TXNDC8: variants seen among roughly 807,000 people sequenced by gnomAD.
TXNDC8 encodes the protein thioredoxin domain containing 8.
Under a neutral mutation model 12.9 loss-of-function variants are expected in TXNDC8, and 15 were observed. The observed-to-expected ratio is 1.16, with a 90% CI of 0.78 to 1.79. The LOEUF (loss-of-function observed/expected upper bound fraction) is 1.79. TXNDC8 is among the 40% of genes most tolerant of loss of function. The probability of loss-of-function intolerance (pLI) is 0.00; values close to 1 mark genes in which losing one functional copy is unlikely to be tolerated. For missense variants in TXNDC8, 128 were observed against 113.2 expected, an observed-to-expected ratio of 1.13 and a Z score of -0.59; for synonymous variants, 40 against 35.4, an observed-to-expected ratio of 1.13 and a Z score of -0.46.
intron 3 of TXNDC8, among the ~76,000 whole-genome samples, chr9:110,309,047 T>C (rs1326699379): frequency 6.6e-6 from 1 of 152,226 alleles, no homozygotes; most frequent in Non-Finnish European, 1.5e-5. Context: ...TGGCTGTTAT[T>C]TTATTTTTTC....
intron 3 of TXNDC8, among the ~76,000 whole-genome samples, chr9:110,314,464 G>T (rs554928996): frequency 1.5e-5 from 2 of 136,690 alleles, no homozygotes; most frequent in Non-Finnish European, 3.1e-5. Context: ...ATGGAGTCTC[G>T]CTCTGTCACC....
chr9:110,325,637 C>A (rs1016658131), intron 3 of TXNDC8, among the ~76,000 whole-genome samples: 5 of 151,700 alleles, frequency 3.3e-5, no homozygotes, highest in African/African-American at 9.7e-5. Context: ...TCTCCTGCCT[C>A]AGCCTCTCGA....
chr9:110,318,271 C>G (rs1224230896), intron 3 of TXNDC8, among the ~76,000 whole-genome samples: 2 of 152,086 alleles, frequency 1.3e-5, no homozygotes, highest in Non-Finnish European at 2.9e-5. Context: ...CAATGCATAT[C>G]TTTTTTTTCT....
At chr9:110,335,621 C>A (rs1587997581) in intron 1 of TXNDC8, among the ~76,000 whole-genome samples, 1 of 152,134 alleles carries the variant, frequency 6.6e-6, no homozygotes, top group Admixed American at 6.5e-5. Flanking sequence ...GATCAGTTAG[C>A]TGGTGAGTGG....
At chr9:110,334,369 T>C (rs953370819) in intron 1 of TXNDC8, 49 bp from the exon 2 acceptor site, 4 of 1,498,260 alleles carry the variant, frequency 2.7e-6, no homozygotes, top group Non-Finnish European at 3.7e-6. Flanking sequence ...CTGAATCTCA[T>C]GACATTTTGT....
chr9:110,325,803 G>C (rs1472637393), intron 3 of TXNDC8, among the ~76,000 whole-genome samples: 1 of 152,178 alleles, frequency 6.6e-6, no homozygotes, highest in Non-Finnish European at 1.5e-5. Context: ...ACAGGCGTGA[G>C]CCACCGCGCC....
chr9:110,331,483 A>G (rs2118861661), intron 2 of TXNDC8, among the ~76,000 whole-genome samples: 1 of 152,230 alleles, frequency 6.6e-6, no homozygotes, highest in East Asian at 1.9e-4. Context: ...CCATTCACCC[A>G]GTCTTCTGAT....
chr9:110,321,736 A>G (rs1247047046), intron 3 of TXNDC8, among the ~76,000 whole-genome samples: 8 of 151,930 alleles, frequency 5.3e-5, no homozygotes, highest in Non-Finnish European at 1.2e-4. Flanking sequence ...AAAAAAAAAA[A>G]AAAGGAAATT....
chr9:110,329,021 C>T (rs76580987), intron 2 of TXNDC8, among the ~76,000 whole-genome samples: 9,962 of 152,058 alleles, frequency 0.066, 421 homozygotes, highest in Admixed American at 0.12. Flanking sequence ...ATCAGGAGAG[C>T]TAATCTTTTT....
chr9:110,321,923 C>G (rs1413374080), intron 3 of TXNDC8, among the ~76,000 whole-genome samples: 1 of 152,106 alleles, frequency 6.6e-6, no homozygotes, highest in African/African-American at 2.4e-5. Flanking sequence ...CAGTGCTGCT[C>G]AGATACCAAA....
chr9:110,312,667 T>C (rs889330523), intron 3 of TXNDC8, among the ~76,000 whole-genome samples: 1 of 152,176 alleles, frequency 6.6e-6, no homozygotes, highest in Non-Finnish European at 1.5e-5. Context: ...TAAAAGCCTA[T>C]GTAAAAAAAA....
chr9:110,336,468 AGTT>A (rs988513095), intron 1 of TXNDC8, among the ~76,000 whole-genome samples: 45 of 152,200 alleles, frequency 3.0e-4, no homozygotes, highest in African/African-American at 1.1e-3. Context: ...ACTTTCCAGT[AGTT>A]GTTGTTTGGG....
chr9:110,302,830 G>A (rs1410504253), downstream of TXNDC8, among the ~76,000 whole-genome samples: 1 of 152,098 alleles, frequency 6.6e-6, no homozygotes, highest in Admixed American at 6.6e-5. Context: ...TTGGGAGGCC[G>A]AGGCAGGAGG....
At chr9:110,334,191 T>C (rs759054807) in intron 2 of TXNDC8, 25 bp downstream of exon 2, 9 of 1,465,048 alleles carry the variant, frequency 6.1e-6, no homozygotes, top group Admixed American at 4.2e-5. Flanking sequence ...TCTGAAACTA[T>C]GAGATATATA....
At chr9:110,323,990 G>A (rs1219309061) in intron 3 of TXNDC8, 1 of 1,550,238 alleles carries the variant, frequency 6.5e-7, no homozygotes, top group East Asian at 2.4e-5. Context: ...GTGTAGGCCT[G>A]GAGATGGAGC....
intron 3 of TXNDC8, among the ~76,000 whole-genome samples, chr9:110,313,826 G>T (rs1453670768): frequency 6.6e-6 from 1 of 152,120 alleles, no homozygotes; most frequent in Non-Finnish European, 1.5e-5. Context: ...TTCATAGGAT[G>T]TGAGGCTTCA....
At chr9:110,322,809 G>GCATT (rs1435208482) in intron 3 of TXNDC8, 10 of 985,446 alleles carry the variant, frequency 1.0e-5, no homozygotes, top group Non-Finnish European at 1.2e-5. Context: ...AAAAACAGAA[G>GCATT]CATTCATTCA....
chr9:110,331,528 C>G (rs1054049562), intron 2 of TXNDC8, among the ~76,000 whole-genome samples: 1 of 152,144 alleles, frequency 6.6e-6, no homozygotes, highest in Non-Finnish European at 1.5e-5. Context: ...GTATTAAAAT[C>G]CTTTTCTAAT....
At chr9:110,331,972 A>G (rs899587955) in intron 2 of TXNDC8, among the ~76,000 whole-genome samples, 5 of 152,130 alleles carry the variant, frequency 3.3e-5, no homozygotes, top group African/African-American at 1.2e-4. Flanking sequence ...CTCATATACT[A>G]TGAGTTAAAA....
Sources: allele counts gnomAD v4.1 joint callset (sites outside exome capture counted in the v4.1 genomes callset), GRCh38; gene constraint gnomAD v4.1.1; transcripts MANE v1.5; gene names NCBI Gene and HGNC (gene_info 2026-07-23, HGNC 2026-07-21).